Variants in CPAMD8 observed in about 807,000 individuals in gnomAD.
CPAMD8 encodes C3 and PZP-like alpha-2-macroglobulin domain-containing protein 8.
CPAMD8 carries 146 observed loss-of-function variants against 224.7 expected under a neutral mutation model. The ratio of observed to expected loss-of-function variants is 0.65; its 90% CI spans 0.57 to 0.75. The LOEUF is 0.75. CPAMD8 is among the 30% of genes least tolerant of loss of function. The pLI is 0.00. For synonymous variants in CPAMD8, 966 were observed against 1,044.6 expected, an observed-to-expected ratio of 0.92 and a Z score of 1.45; for missense variants, 2,301 against 2,537.5, an observed-to-expected ratio of 0.91 and a Z score of 2.00.
Position 16,904,264 on chromosome 19 carries a change from G to A in CPAMD8, c.4213C>T (p.Gln1405Ter), listed in dbSNP as rs370018250. ...AALPVVKWLS[Q>*]QRNALGGFSS... is the part of the protein sequence containing the mutation. ...AAGCCCCCAAGTGCATTTCGCTGCT[G>A]GGACAGCCACTTCACCACAGGCAGG... The change falls in exon 32 of 42, where the codon CAG (glutamine) becomes TAG (stop). Residue 1405 changes from glutamine to a stop codon, truncating the protein, a stop_gained. Coordinates refer to ENST00000443236, the MANE Select transcript of CPAMD8 (RefSeq NM_015692.5). LOFTEE classifies it high-confidence loss of function. 2 of 1,611,984 alleles carry A rather than the reference G, an allele frequency of 1.2e-6. No individual in the cohort carries two copies. Among genetic ancestry groups the A allele is most frequent in the Non-Finnish European group, 1.7e-6 (2 of 1,179,892 alleles).
In CPAMD8 at chr19:16,947,631, C is replaced by T. The variant is rs117267089; in HGVS notation, c.2509-404G>A. On this transcript the variant is annotated intron_variant, in intron 20 of 41. Transcript: ENST00000443236. ...TGCCTCTCCTGACCCTCTTTCCAAC[C>T]GTGCAGCTCCATGATGTCAGAGTAC... Among the ~76,000 whole-genome samples, 5 of 152,332 alleles carry T rather than the reference C, an allele frequency of 3.3e-5. No individual in the cohort carries two copies. The East Asian group carries it at 7.7e-4, about 24-fold the overall frequency.
intron 21 of CPAMD8, among the ~76,000 whole-genome samples, chr19:16,946,740 C>T (rs1194800694): frequency 4.2e-5 from 5 of 119,792 alleles, no homozygotes; most frequent in Non-Finnish European, 7.1e-5. Context: ...CACATGTGGA[C>T]GTGTGTGTGT....
At chr19:16,908,980 C>T (rs773856) in intron 29 of CPAMD8, among the ~76,000 whole-genome samples, 85,441 of 151,960 alleles carry the variant, frequency 0.56, 24,433 homozygotes, top group South Asian at 0.62. Context: ...GGACCCAGCC[C>T]GGCCCCAGCT....
chr19:17,008,859 G>A, intron 6 of CPAMD8: 1 of 477,492 alleles, frequency 2.1e-6, no homozygotes, highest in African/African-American at 1.9e-5. Flanking sequence ...AGGCCAAGGT[G>A]GGCGGATCAC....
At chr19:16,990,290 G>A (rs1320287949) in intron 12 of CPAMD8, among the ~76,000 whole-genome samples, 1 of 151,844 alleles carries the variant, frequency 6.6e-6, no homozygotes, top group African/African-American at 2.4e-5. Flanking sequence ...TTGGTCAAAG[G>A]GTATTGGGGG....
intron 12 of CPAMD8, 144 bp downstream of exon 12, chr19:16,993,272 C>G: frequency 3.1e-6 from 2 of 640,322 alleles, no homozygotes; most frequent in Non-Finnish European, 5.4e-6. Context: ...CTGTGTTGTC[C>G]ATCCCACTGT....
chr19:16,963,978 T>A (rs2054738727), intron 18 of CPAMD8, among the ~76,000 whole-genome samples: 1 of 152,204 alleles, frequency 6.6e-6, no homozygotes, highest in South Asian at 2.1e-4. Flanking sequence ...ATAAAGATGT[T>A]CTTTGAAACC....
chr19:16,970,632 C>T (rs565438657), intron 18 of CPAMD8, among the ~76,000 whole-genome samples: 232 of 152,100 alleles, frequency 1.5e-3, no homozygotes, highest in African/African-American at 5.5e-3. Flanking sequence ...TCCCTCACTC[C>T]TTCTGCCATA....
At position 17,026,557 on chromosome 19, in the gene CPAMD8, TG is replaced by T; in HGVS notation, c.85del (p.Gln29ArgfsTer6). 6.6e-7 allele frequency: 1 copy of T among 1,520,312 alleles called. No homozygotes were observed. Among genetic ancestry groups the T allele is most frequent in the Non-Finnish European group, 8.7e-7 (1 of 1,143,024 alleles). The allele number at this position is 1,520,312 out of a possible 1,614,324, so 94.2% of individuals were successfully genotyped here. A position where few individuals can be genotyped will look rare whatever the true frequency, so the allele number is the denominator to read the frequency against. ...GTCGCCGGAGGATACTCACGGGGCC[TG>T]AGGCTGCGCGGCGCGCACGCCGTCC... The part of the protein sequence containing the change: ...ARDGVRAAQP[Q>X]APGYLIAAPS... On this transcript the variant is annotated frameshift_variant, in exon 1 of 42. Transcript: ENST00000443236. LOFTEE classifies it high-confidence loss of function.
At chr19:16,994,241 T>C (rs1167587652) in intron 11 of CPAMD8, among the ~76,000 whole-genome samples, 1 of 152,228 alleles carries the variant, frequency 6.6e-6, no homozygotes, top group Non-Finnish European at 1.5e-5. Flanking sequence ...TAGACCTTCA[T>C]GCCCTTGGAT....
chr19:16,963,027 G>C (rs1350097997), intron 18 of CPAMD8, among the ~76,000 whole-genome samples: 1 of 152,144 alleles, frequency 6.6e-6, no homozygotes, highest in Non-Finnish European at 1.5e-5. Context: ...TGCCTTTCAA[G>C]AGCTCCTGAA....
chr19:16,905,718 T>G (rs939140294), intron 30 of CPAMD8, among the ~76,000 whole-genome samples: 1 of 151,970 alleles, frequency 6.6e-6, no homozygotes, highest in African/African-American at 2.4e-5. Flanking sequence ...TCGGAAGCAA[T>G]GAAAACAATT....
At chr19:16,939,113 A>G (rs1164591999) in intron 22 of CPAMD8, among the ~76,000 whole-genome samples, 3 of 152,176 alleles carry the variant, frequency 2.0e-5, no homozygotes, top group African/African-American at 7.2e-5. Context: ...TGCAACCAGA[A>G]GGCCTGGCAG....
intron 13 of CPAMD8, 72 bp from the exon 14 acceptor site, chr19:16,980,758 T>C: frequency 7.8e-7 from 1 of 1,276,168 alleles, no homozygotes; most frequent in Non-Finnish European, 1.1e-6. Flanking sequence ...AAGACGGCCA[T>C]TCTGGGGCCA....
chr19:17,011,602 G>C lies in CPAMD8; in HGVS notation c.423C>G (p.Pro141=). Residue 141 remains proline (P), a synonymous_variant, in exon 4 of 42, where the codon CCC becomes CCG. Coordinates refer to ENST00000443236, the MANE Select transcript of CPAMD8 (RefSeq NM_015692.5). The part of the protein sequence containing the change: ...FIQTDKPVYR[P]QHRVLISIFT... ...ATGCTGGCCACTCACCTCGGTGCTGGGGTCTGTACACAGGCTTGTCCGTCT... is the reference window on the plus strand; with the variant it reads ...ATGCTGGCCACTCACCTCGGTGCTGCGGTCTGTACACAGGCTTGTCCGTCT... 6.2e-7 allele frequency: 1 copy of C among 1,614,186 alleles called. No individual in the cohort carries two copies. The highest frequency in any genetic ancestry group is 1.6e-4 in the Middle Eastern group (1 of 6,062).
intron 22 of CPAMD8, among the ~76,000 whole-genome samples, chr19:16,939,317 C>T (rs1401794397): frequency 1.3e-5 from 2 of 152,088 alleles, no homozygotes; most frequent in African/African-American, 4.8e-5. Flanking sequence ...AAGCAAGTCT[C>T]ATGCCTCAGC....
At chr19:16,970,110 G>A (rs2055002824) in intron 18 of CPAMD8, among the ~76,000 whole-genome samples, 1 of 146,990 alleles carries the variant, frequency 6.8e-6, no homozygotes, top group South Asian at 2.1e-4. Context: ...GGTGTGGCGG[G>A]CGCCTATAGT....
rs758288898 is a variant in CPAMD8 at position 16,904,232 on chromosome 19, G to A, written c.4245C>T (p.Ser1415=). ...CTGGCCCTGCCCGGCTCGCCTGAGT[G>A]GAGGAGAAGCCCCCAAGTGCATTTC... The part of the protein sequence containing the change: ...QQRNALGGFS[S]TQDTCVALQA... The change falls in exon 32 of 42, where the codon TCC becomes TCT. Residue 1415 remains serine (S), a synonymous_variant. Coordinates refer to ENST00000443236, the MANE Select transcript of CPAMD8 (RefSeq NM_015692.5). The A allele has an allele frequency of 1.2e-6, 2 of 1,608,166 alleles. No individual in the cohort carries two copies. Among genetic ancestry groups the A allele is most frequent in the South Asian group, 2.2e-5 (2 of 90,754 alleles).
intron 5 of CPAMD8, among the ~76,000 whole-genome samples, chr19:17,011,208 A>C (rs1285138824): frequency 1.3e-5 from 2 of 152,058 alleles, no homozygotes; most frequent in Admixed American, 1.3e-4. Flanking sequence ...GGGAAAAAAA[A>C]AAAATTAAGC....
Sources: allele counts gnomAD v4.1 joint callset (sites outside exome capture counted in the v4.1 genomes callset), GRCh38; gene constraint gnomAD v4.1.1; transcripts MANE v1.5; gene names NCBI Gene and HGNC (gene_info 2026-07-23, HGNC 2026-07-21).